Variants in LIN7A observed in about 807,000 individuals in gnomAD.
The protein encoded by LIN7A is protein lin-7 homolog A.
In LIN7A, 25 loss-of-function variants were observed where a neutral mutation model predicts 29.8. The observed-to-expected ratio is 0.84, with a 90% CI of 0.61 to 1.17. LIN7A has a LOEUF of 1.17. Ranked by LOEUF, LIN7A falls within the 50% of genes most tolerant of loss-of-function variation. LIN7A has a pLI of 0.00. For missense variants in LIN7A, 239 were observed against 287.0 expected (o/e 0.83, Z 1.21); for synonymous variants, 118 against 107.5 (o/e 1.10, Z -0.60).
At chr12:80,922,042 G>T (rs559858558) in intron 1 of LIN7A, among the ~76,000 whole-genome samples, 65 of 152,262 alleles carry the variant, frequency 4.3e-4, no homozygotes, top group African/African-American at 1.5e-3. Context: ...AAGCCCATTT[G>T]CTAGAAAACA....
intron 4 of LIN7A, among the ~76,000 whole-genome samples, chr12:80,819,897 C>T (rs182302040): frequency 6.6e-6 from 1 of 152,264 alleles, no homozygotes; most frequent in East Asian, 1.9e-4. Flanking sequence ...ACAACAGCAA[C>T]AAAATATGAT....
chr12:80,900,638 G>A (rs576062953), intron 1 of LIN7A, among the ~76,000 whole-genome samples: 1 of 152,244 alleles, frequency 6.6e-6, no homozygotes, highest in East Asian at 1.9e-4. Flanking sequence ...TTGATATGAT[G>A]TTGGTTTTTT....
intron 2 of LIN7A, among the ~76,000 whole-genome samples, chr12:80,866,393 A>AT (rs925385336): frequency 1.5e-4 from 22 of 151,650 alleles, no homozygotes; most frequent in African/African-American, 3.4e-4. Context: ...ACTCTTCTTA[A>AT]TTTTTTTTTC....
At chr12:80,924,192 A>G (rs909703603) in intron 1 of LIN7A, among the ~76,000 whole-genome samples, 2 of 152,210 alleles carry the variant, frequency 1.3e-5, no homozygotes, top group African/African-American at 4.8e-5. Flanking sequence ...TAAGCAAAGG[A>G]AAGAATAATC....
At chr12:80,909,243 C>T (rs1050975401) in intron 1 of LIN7A, among the ~76,000 whole-genome samples, 11 of 152,142 alleles carry the variant, frequency 7.2e-5, no homozygotes, top group African/African-American at 2.7e-4. Context: ...GTGAGTTCCC[C>T]TGGTATAGTT....
At chr12:80,885,933 A>G (rs1453132792) in intron 2 of LIN7A, among the ~76,000 whole-genome samples, 1 of 152,142 alleles carries the variant, frequency 6.6e-6, no homozygotes, top group African/African-American at 2.4e-5. Context: ...AAGGCAATAA[A>G]AATATTTTTG....
In LIN7A at chr12:80,794,442, G is replaced by A. The variant is rs572696704; in HGVS notation, c.*3285C>T. The A allele has an allele frequency of 5.9e-5, 9 of 152,228 alleles. No individual in the cohort carries two copies. In the South Asian group the frequency reaches 1.9e-3, roughly 32 times the overall value. 9.4% of individuals were successfully genotyped at this position (152,228 alleles called of 1,614,324 possible). A position where few individuals can be genotyped will look rare whatever the true frequency, so the allele number is the denominator to read the frequency against. Reference sequence around the variant, plus strand: ...GATAAAAACAAACTAGTTAAAAGATGAGAAATTTAGGCATTATTCACACAT... The same window carrying A: ...GATAAAAACAAACTAGTTAAAAGATAAGAAATTTAGGCATTATTCACACAT... On this transcript the variant is annotated 3_prime_UTR_variant, in exon 6 of 6. Coordinates refer to ENST00000552864, the MANE Select transcript of LIN7A (RefSeq NM_004664.4).
intron 2 of LIN7A, among the ~76,000 whole-genome samples, chr12:80,854,485 CCAA>C (rs1165885409): frequency 2.7e-4 from 10 of 37,106 alleles, no homozygotes; most frequent in African/African-American, 6.6e-4. Flanking sequence ...TGTTGCTAAG[CCAA>C]AAAAAAAAAA....
intron 2 of LIN7A, among the ~76,000 whole-genome samples, chr12:80,884,361 T>A (rs964534335): frequency 2.0e-5 from 3 of 152,148 alleles, no homozygotes; most frequent in Non-Finnish European, 4.4e-5. Context: ...GTCTTGGAGA[T>A]TTAGAGTAAC....
intron 1 of LIN7A, among the ~76,000 whole-genome samples, chr12:80,893,235 TA>T (rs1453816732): frequency 6.6e-6 from 1 of 152,154 alleles, no homozygotes; most frequent in Non-Finnish European, 1.5e-5. Context: ...GAATGATTCA[TA>T]AAAGCCCACA....
chr12:80,935,212 G>A (rs1878143264), intron 1 of LIN7A, among the ~76,000 whole-genome samples: 2 of 152,130 alleles, frequency 1.3e-5, no homozygotes, highest in South Asian at 4.1e-4. Context: ...CCCTCACGGA[G>A]TTCTATCCAA....
chr12:80,921,944 A>T (rs1458089104), intron 1 of LIN7A, among the ~76,000 whole-genome samples: 3 of 152,236 alleles, frequency 2.0e-5, no homozygotes, highest in Admixed American at 2.0e-4. Context: ...ATTCCCTTTG[A>T]GTTCACAAAA....
At chr12:80,903,672 A>ATT (rs144267629) in intron 1 of LIN7A, among the ~76,000 whole-genome samples, 6 of 150,150 alleles carry the variant, frequency 4.0e-5, no homozygotes, top group Admixed American at 1.3e-4. Context: ...TGTTATAAAG[A>ATT]TTTTTTTTTT....
chr12:80,916,812 A>G (rs963831523), intron 1 of LIN7A, among the ~76,000 whole-genome samples: 2 of 134,418 alleles, frequency 1.5e-5, no homozygotes, highest in Non-Finnish European at 3.0e-5. Flanking sequence ...TTGCCAGATA[A>G]AGAGAAGAAG....
rs1467153965 is a variant in LIN7A at position 80,796,322 on chromosome 12, C to G, written c.*1405G>C. 2 of 152,046 alleles carry G rather than the reference C, an allele frequency of 1.3e-5. No homozygotes were observed. The highest frequency in any genetic ancestry group is 4.8e-5 in the African/African-American group (2 of 41,412). 9.4% of individuals were successfully genotyped at this position (152,046 alleles called of 1,614,324 possible). A position where few individuals can be genotyped will look rare whatever the true frequency, so the allele number is the denominator to read the frequency against. The stretch of plus-strand genomic sequence containing the variant: ...TTCTTTTCTTAGGTTCATTTATGTG[C>G]TTAAGGTATTCAAATGCCCAAACAA... On this transcript the variant is annotated 3_prime_UTR_variant, in exon 6 of 6. Coordinates refer to ENST00000552864, the MANE Select transcript of LIN7A (RefSeq NM_004664.4).
intron 2 of LIN7A, among the ~76,000 whole-genome samples, chr12:80,857,702 A>T (rs980233962): frequency 6.6e-6 from 1 of 152,206 alleles, no homozygotes; most frequent in Non-Finnish European, 1.5e-5. Context: ...ACCAGATTGA[A>T]GAAAAATGTA....
At chr12:80,874,712 G>A (rs1008501002) in intron 2 of LIN7A, among the ~76,000 whole-genome samples, 18 of 152,152 alleles carry the variant, frequency 1.2e-4, no homozygotes, top group East Asian at 3.9e-4. Context: ...GGCTGGCCGC[G>A]GTGGCTCACG....
chr12:80,848,319 A>G lies in LIN7A; in HGVS notation c.205T>C (p.Tyr69His). The change falls in exon 3 of 6, where the codon TAT becomes CAT. Residue 69 changes from tyrosine (Y) to histidine (H), a missense_variant. Transcript: ENST00000552864. ...GTTATCGTTTCATGCATATATTGAT[A>G]CACCTAAAATGTTCACATAAAAAGA... is the stretch of plus-strand genomic sequence containing the variant. ...SEFCTAIREV[Y>H]QYMHETITVN... The G allele has an allele frequency of 6.2e-7, 1 of 1,604,952 alleles. No homozygotes were observed. The highest frequency in any genetic ancestry group is 8.5e-7 in the Non-Finnish European group (1 of 1,171,826).
intron 4 of LIN7A, among the ~76,000 whole-genome samples, chr12:80,832,201 T>G (rs1872391715): frequency 6.6e-6 from 1 of 152,198 alleles, no homozygotes; most frequent in Admixed American, 6.5e-5. Context: ...CATTTCTACT[T>G]ATGAAAAACT....
Sources: allele counts gnomAD v4.1 joint callset (sites outside exome capture counted in the v4.1 genomes callset), GRCh38; gene constraint gnomAD v4.1.1; transcripts MANE v1.5; gene names NCBI Gene and HGNC (gene_info 2026-07-23, HGNC 2026-07-21).